NCAM2: variants seen among roughly 807,000 people sequenced by gnomAD.
NCAM2 encodes neural cell adhesion molecule 2.
Under a neutral mutation model 98.1 loss-of-function variants are expected in NCAM2, and 30 were observed. That is an observed-to-expected ratio of 0.31 (90% CI 0.23 to 0.41). The LOEUF is 0.41. Among genes scored for constraint, NCAM2 ranks in the 10% least tolerant of loss-of-function variants. NCAM2 has a pLI of 1.00. For synonymous variants in NCAM2, 368 were observed against 342.4 expected, an observed-to-expected ratio of 1.07 and a Z score of -0.83; for missense variants, 867 against 1,005.8, an observed-to-expected ratio of 0.86 and a Z score of 1.87.
chr21:21,322,990 C>T (rs1231894108), intron 5 of NCAM2, among the ~76,000 whole-genome samples: 1 of 152,036 alleles, frequency 6.6e-6, no homozygotes, highest in Non-Finnish European at 1.5e-5. Flanking sequence ...TTCCAGGAAG[C>T]GTTGACTACT....
intron 16 of NCAM2, among the ~76,000 whole-genome samples, chr21:21,523,573 A>G (rs1426911813): frequency 1.3e-5 from 2 of 151,974 alleles, no homozygotes; most frequent in Admixed American, 6.6e-5. Flanking sequence ...AATGGAAACA[A>G]TGTATTGTAT....
At chr21:21,166,298 C>G (rs1473533697) in intron 1 of NCAM2, among the ~76,000 whole-genome samples, 1 of 152,180 alleles carries the variant, frequency 6.6e-6, no homozygotes, top group East Asian at 1.9e-4. Flanking sequence ...ACCTCCGCCT[C>G]CCAGGTTCAA....
At chr21:21,503,117 C>T (rs1987742399) in intron 15 of NCAM2, among the ~76,000 whole-genome samples, 1 of 151,822 alleles carries the variant, frequency 6.6e-6, no homozygotes, top group Non-Finnish European at 1.5e-5. Flanking sequence ...ACAATAGTCC[C>T]TGCTTTAGCC....
intron 12 of NCAM2, among the ~76,000 whole-genome samples, chr21:21,453,601 GA>G (rs1337842610): frequency 6.6e-6 from 1 of 151,998 alleles, no homozygotes; most frequent in Non-Finnish European, 1.5e-5. Context: ...TTTGAGTAGG[GA>G]ACAACCTTTC....
intron 6 of NCAM2, 34 bp from the exon 7 acceptor site, chr21:21,335,471 A>T: frequency 6.4e-7 from 1 of 1,554,246 alleles, no homozygotes; most frequent in Non-Finnish European, 8.7e-7. Flanking sequence ...ATAAAGCCAG[A>T]TCTGTGAGGA....
intron 11 of NCAM2, 88 bp from the exon 12 acceptor site, chr21:21,432,020 C>A: frequency 8.4e-7 from 1 of 1,189,314 alleles, no homozygotes; most frequent in Non-Finnish European, 1.2e-6. Context: ...AGTTTTCCTT[C>A]ACTCCTAGTT....
chr21:21,053,352 A>G (rs1201972663), intron 1 of NCAM2, among the ~76,000 whole-genome samples: 2 of 152,096 alleles, frequency 1.3e-5, no homozygotes, highest in Non-Finnish European at 2.9e-5. Flanking sequence ...TGAATATGAC[A>G]TGTTATTCCT....
At chr21:21,140,978 C>A (rs1488044509) in intron 1 of NCAM2, among the ~76,000 whole-genome samples, 1 of 152,024 alleles carries the variant, frequency 6.6e-6, no homozygotes, top group Non-Finnish European at 1.5e-5. Flanking sequence ...CTGTGAAGGA[C>A]TCTATATTTT....
At chr21:21,403,666 T>G (rs1378568427) in intron 9 of NCAM2, among the ~76,000 whole-genome samples, 1 of 152,182 alleles carries the variant, frequency 6.6e-6, no homozygotes, top group Non-Finnish European at 1.5e-5. Flanking sequence ...TTTTAACATT[T>G]TATTTGGCAA....
intron 8 of NCAM2, among the ~76,000 whole-genome samples, chr21:21,342,802 A>AAGC (rs2075079970): frequency 6.6e-6 from 1 of 152,194 alleles, no homozygotes; most frequent in African/African-American, 2.4e-5. Flanking sequence ...ATCTTTGGAA[A>AAGC]TGCATCTACA....
intron 1 of NCAM2, among the ~76,000 whole-genome samples, chr21:21,262,630 A>G (rs1462722995): frequency 3.3e-5 from 4 of 120,362 alleles, no homozygotes; most frequent in Admixed American, 1.1e-4. Context: ...TCAATAAAAT[A>G]GTGGAAGACC....
chr21:21,262,390 CAAG>C (rs563893162), intron 1 of NCAM2, among the ~76,000 whole-genome samples: 68 of 152,038 alleles, frequency 4.5e-4, no homozygotes, highest in Non-Finnish European at 9.1e-4. Context: ...CAAAATCTGA[CAAG>C]AACACACACA....
At chr21:21,294,222 A>G (rs752390294) in intron 5 of NCAM2, among the ~76,000 whole-genome samples, 13 of 151,728 alleles carry the variant, frequency 8.6e-5, no homozygotes, top group South Asian at 6.2e-4. Context: ...GATTATTATG[A>G]TTACATTCAT....
chr21:21,150,520 T>G (rs1344967039), intron 1 of NCAM2, among the ~76,000 whole-genome samples: 1 of 152,094 alleles, frequency 6.6e-6, no homozygotes, highest in African/African-American at 2.4e-5. Context: ...TGTTCTTATA[T>G]TCCTAGTTTG....
rs1350188644 is a variant in NCAM2, at chr21:21,539,862, G to A, written c.*1905G>A. On this transcript the variant is annotated 3_prime_UTR_variant, in exon 18 of 18. Transcript: ENST00000400546. Reference sequence around the variant, plus strand: ...TGACAGATTTGACTGTTCATATTTAGTTTATGTTTGTCTGATCATCCAGTT... The same window carrying A: ...TGACAGATTTGACTGTTCATATTTAATTTATGTTTGTCTGATCATCCAGTT... The A allele has an allele frequency of 1.3e-5, 2 of 152,080 alleles. No homozygotes were observed. Among genetic ancestry groups the A allele is most frequent in the Admixed American group, 6.6e-5 (1 of 15,242 alleles). The allele number at this position is 152,080 out of a possible 1,614,324, so 9.4% of individuals were successfully genotyped here.
intron 1 of NCAM2, among the ~76,000 whole-genome samples, chr21:21,065,098 T>C: frequency 6.6e-6 from 1 of 151,890 alleles, no homozygotes; most frequent in East Asian, 1.9e-4. Context: ...GAGAATCGCT[T>C]GAACCGGGGA....
At chr21:21,503,456 G>A (rs1261893831) in intron 15 of NCAM2, among the ~76,000 whole-genome samples, 1 of 151,788 alleles carries the variant, frequency 6.6e-6, no homozygotes, top group African/African-American at 2.4e-5. Context: ...ATAAAGGGAT[G>A]ATTTGTGTCC....
intron 1 of NCAM2, among the ~76,000 whole-genome samples, chr21:21,241,066 G>A (rs1230320733): frequency 6.6e-6 from 1 of 151,974 alleles, no homozygotes; most frequent in East Asian, 1.9e-4. Flanking sequence ...ACTATATATG[G>A]CATCTGAATG....
At chr21:21,404,641 G>A (rs1292038724) in intron 9 of NCAM2, among the ~76,000 whole-genome samples, 1 of 151,648 alleles carries the variant, frequency 6.6e-6, no homozygotes, top group African/African-American at 2.4e-5. Context: ...GTGTATATAT[G>A]TATATATAGT....
Sources: allele counts gnomAD v4.1 joint callset (sites outside exome capture counted in the v4.1 genomes callset), GRCh38; gene constraint gnomAD v4.1.1; transcripts MANE v1.5; gene names NCBI Gene and HGNC (gene_info 2026-07-23, HGNC 2026-07-21).